The following PWP1 variants were observed in gnomAD, a reference collection of about 807,000 sequenced individuals.
The protein encoded by PWP1 is periodic tryptophan protein 1 homolog.
In PWP1, 47 loss-of-function variants were observed where a neutral mutation model predicts 69.9. The ratio of observed to expected loss-of-function variants is 0.67; its 90% confidence interval spans 0.53 to 0.86. The LOEUF is 0.86. Ranked by LOEUF, PWP1 falls within the 40% of genes least tolerant of loss-of-function variation. The pLI, the probability that PWP1 is intolerant of heterozygous loss-of-function variation, is 0.00. For synonymous variants in PWP1, 222 were observed against 208.2 expected (o/e 1.07, Z -0.57); for missense variants, 551 against 608.8 (o/e 0.91, Z 1.00).
At chr12:107,711,508 C>G (rs1180038957) in intron 14 of PWP1, among the ~76,000 whole-genome samples, 1 of 152,188 alleles carries the variant, frequency 6.6e-6, no homozygotes, top group African/African-American at 2.4e-5. Flanking sequence ...CCCACAGTTA[C>G]CAGTGTGAAT....
chr12:107,697,038 C>T (rs1397678165), intron 6 of PWP1, among the ~76,000 whole-genome samples: 2 of 152,146 alleles, frequency 1.3e-5, no homozygotes, highest in Admixed American at 6.5e-5. Context: ...TGCCCCTGTC[C>T]GTACTTTTTA....
intron 3 of PWP1, 81 bp from the exon 4 acceptor site, chr12:107,692,733 G>A: frequency 8.3e-7 from 1 of 1,211,344 alleles, no homozygotes; most frequent in Non-Finnish European, 1.2e-6. Context: ...TTGCATCTAA[G>A]TCCAAGAATG....
intron 5 of PWP1, 134 bp downstream of exon 5, chr12:107,693,230 C>T (rs1889521034): frequency 1.5e-6 from 2 of 1,310,902 alleles, no homozygotes; most frequent in South Asian, 1.8e-5. Context: ...AACTTTTACA[C>T]AGGTGGCCAA....
intron 8 of PWP1, among the ~76,000 whole-genome samples, chr12:107,700,288 A>G (rs537049558): frequency 2.2e-4 from 33 of 152,244 alleles, no homozygotes; most frequent in African/African-American, 7.9e-4. Context: ...ACCACAATGC[A>G]TCTCCAGAAC....
chr12:107,695,221 G>A (rs574985872), intron 5 of PWP1, among the ~76,000 whole-genome samples: 6 of 151,922 alleles, frequency 3.9e-5, no homozygotes, highest in Admixed American at 2.6e-4. Flanking sequence ...GGCTGAGATC[G>A]TGTCACTGCA....
intron 9 of PWP1, 45 bp downstream of exon 9, chr12:107,703,076 C>A (rs1889745594): frequency 7.5e-7 from 1 of 1,325,332 alleles, no homozygotes; most frequent in Non-Finnish European, 1.1e-6. Context: ...AAATCGGACA[C>A]AAATATTGGC....
rs770640857 is a variant in PWP1, at chr12:107,688,715, G to A, written c.232G>A (p.Asp78Asn). The part of the protein sequence containing the change: ...TQARPREPLE[D>N]GDPEDDRTLD... ...GGCACGCCCAAGAGAGCCCCTGGAG[G>A]ATGGTGACCCAGAGGATGACAGGAC... is the stretch of plus-strand genomic sequence containing the variant. Residue 78 changes from aspartate to asparagine, a missense_variant, in exon 3 of 15, where the codon GAT (aspartate) becomes AAT (asparagine). Transcript: ENST00000412830. The A allele has an allele frequency of 4.3e-6, 7 of 1,614,130 alleles. No homozygotes were observed. The highest frequency in any genetic ancestry group is 8.5e-7 in the Non-Finnish European group (1 of 1,180,062).
chr12:107,694,429 A>C (rs1889543875), intron 5 of PWP1, among the ~76,000 whole-genome samples: 2 of 152,218 alleles, frequency 1.3e-5, no homozygotes, highest in African/African-American at 4.8e-5. Context: ...AGGTTGCTTC[A>C]TCATGGCTTC....
At chr12:107,709,314 T>C in intron 13 of PWP1, 82 bp downstream of exon 13, 1 of 1,517,212 alleles carries the variant, frequency 6.6e-7, no homozygotes. Context: ...TGCGTGTTTT[T>C]CTGTTGGAAC....
At chr12:107,706,919 G>T (rs1243962585) in intron 11 of PWP1, among the ~76,000 whole-genome samples, 2 of 152,026 alleles carry the variant, frequency 1.3e-5, no homozygotes, top group African/African-American at 2.4e-5. Flanking sequence ...TAAAGTAGTT[G>T]TTTCCAATTC....
Position 107,712,482 on chromosome 12 carries a change from C to CCAT in PWP1, c.*264_*266dup, listed in dbSNP as rs1329231882. The CCAT allele has an allele frequency of 2.9e-5, 8 of 272,662 alleles. No individual in the cohort carries two copies. Among genetic ancestry groups the CCAT allele is most frequent in the African/African-American group, 1.8e-4 (8 of 45,706 alleles). The allele number at this position is 272,662 out of a possible 1,614,324, so 16.9% of individuals were successfully genotyped here. A position where few individuals can be genotyped will look rare whatever the true frequency, so the allele number is the denominator to read the frequency against. On this transcript the variant is annotated 3_prime_UTR_variant, in exon 15 of 15. Coordinates refer to ENST00000412830, the MANE Select transcript of PWP1 (RefSeq NM_007062.3). ...TTTAAAAAGTAATTCCTTAAACATA[C>CCAT]CATCTGTCACAGTTAATCTAGATTT...
chr12:107,691,187 G>C (rs1471956229), intron 3 of PWP1, among the ~76,000 whole-genome samples: 1 of 152,198 alleles, frequency 6.6e-6, no homozygotes, highest in Non-Finnish European at 1.5e-5. Flanking sequence ...TAGTGCCAGA[G>C]CAATATTGAG....
chr12:107,699,230 G>C (rs1206303479), intron 7 of PWP1, 143 bp from the exon 8 acceptor site: 2 of 631,292 alleles, frequency 3.2e-6, no homozygotes, highest in Non-Finnish European at 5.5e-6. Flanking sequence ...CTGCACTCTA[G>C]CCAGGGCAAC....
intron 3 of PWP1, among the ~76,000 whole-genome samples, chr12:107,689,873 C>T (rs937044693): frequency 6.6e-6 from 1 of 152,280 alleles, no homozygotes; most frequent in East Asian, 1.9e-4. Flanking sequence ...CTATATTGCT[C>T]TTCTGGGGAA....
At position 107,699,443 on chromosome 12, in the gene PWP1, A is replaced by G. The variant is rs765504503; in HGVS notation, c.806+9A>G. ...TGGAATAAGCTAATCAGGTAAAAAG[A>G]AATAACATTTGAATGATTGTAAAAG... is the stretch of plus-strand genomic sequence containing the variant. On this transcript the variant is annotated intron_variant, in intron 8 of 14. Transcript: ENST00000412830. The G allele has an allele frequency of 6.2e-7, 1 of 1,606,052 alleles. No individual in the cohort carries two copies. The highest frequency in any genetic ancestry group is 1.1e-5 in the South Asian group (1 of 90,814).
chr12:107,696,947 C>G (rs759610817), intron 6 of PWP1, among the ~76,000 whole-genome samples: 30 of 152,308 alleles, frequency 2.0e-4, no homozygotes, highest in Admixed American at 5.9e-4. Flanking sequence ...AAAACATAAG[C>G]TAAAACCGAA....
At chr12:107,699,741 G>A (rs1367487576) in intron 8 of PWP1, among the ~76,000 whole-genome samples, 3 of 152,146 alleles carry the variant, frequency 2.0e-5, no homozygotes, top group Non-Finnish European at 4.4e-5. Context: ...TTCTTCCCAG[G>A]AGACATTTTT....
chr12:107,698,004 C>T (rs1159205570), intron 7 of PWP1, among the ~76,000 whole-genome samples: 1 of 152,136 alleles, frequency 6.6e-6, no homozygotes, highest in Non-Finnish European at 1.5e-5. Flanking sequence ...CTTTTAAAAT[C>T]GTTAGGTTTT....
intron 11 of PWP1, among the ~76,000 whole-genome samples, chr12:107,706,989 G>T (rs1889836980): frequency 6.6e-6 from 1 of 152,052 alleles, no homozygotes; most frequent in Non-Finnish European, 1.5e-5. Context: ...ATTACCTTGG[G>T]CAGTATGGCT....
Sources: allele counts gnomAD v4.1 joint callset (sites outside exome capture counted in the v4.1 genomes callset), GRCh38; gene constraint gnomAD v4.1.1; transcripts MANE v1.5; gene names NCBI Gene and HGNC (gene_info 2026-07-23, HGNC 2026-07-21).